HDAC8: variants seen among roughly 807,000 people sequenced by gnomAD.
HDAC8 encodes histone deacetylase-like 1.
Under a neutral mutation model 32.2 loss-of-function variants are expected in HDAC8, and 1 was observed. That is an observed-to-expected ratio of 0.03 (90% CI 0.01 to 0.15). HDAC8 has a LOEUF of 0.15. HDAC8 is among the 10% of genes least tolerant of loss of function. The probability of loss-of-function intolerance (pLI) is 1.00; values close to 1 mark genes in which losing one functional copy is unlikely to be tolerated. For synonymous variants in HDAC8, 108 were observed against 113.9 expected, an observed-to-expected ratio of 0.95 and a Z score of 0.33; for missense variants, 117 against 300.0, an observed-to-expected ratio of 0.39 and a Z score of 4.51.
At position 72,482,697 on chromosome X, in the gene HDAC8, C is replaced by T. The variant is rs147248146; in HGVS notation, c.737+6236G>A. On this transcript the variant is annotated intron_variant, in intron 7 of 10. Transcript: ENST00000373573. ...ATTTGTTTGCAACCATTAAGTTTCT[C>T]ACTTCCATGTGACAACTTTGGGGAC... is the stretch of plus-strand genomic sequence containing the variant. 1.8e-4 allele frequency among the ~76,000 whole-genome samples: 20 copies of T among 111,571 alleles called. No individual in the cohort carries two copies. The East Asian group carries it at 5.6e-3, about 31-fold the overall frequency.
chrX:72,496,251 C>A (rs1247348957), intron 4 of HDAC8, among the ~76,000 whole-genome samples: 1 of 110,923 alleles, frequency 9.0e-6, no homozygotes, highest in African/African-American at 3.3e-5. Flanking sequence ...CTTCACAATG[C>A]ATAAACTTCT....
At chrX:72,508,272 T>C (rs1195489885) in intron 4 of HDAC8, among the ~76,000 whole-genome samples, 1 of 112,128 alleles carries the variant, frequency 8.9e-6, no homozygotes, top group Non-Finnish European at 1.9e-5. Flanking sequence ...ATAAAAATAA[T>C]AGCTGACATC....
intron 7 of HDAC8, chrX:72,467,988 CAA>C: frequency 8.4e-7 from 1 of 1,190,983 alleles, no homozygotes; most frequent in Non-Finnish European, 1.1e-6. Flanking sequence ...AATGAGTCCT[CAA>C]GGAGTTCTGA....
chrX:72,539,405 T>A (rs868945782), intron 4 of HDAC8, among the ~76,000 whole-genome samples: 3 of 107,646 alleles, frequency 2.8e-5, no homozygotes, highest in Admixed American at 1.0e-4. Flanking sequence ...CTAATTTTTT[T>A]TTTTTTTTGT....
At chrX:72,388,203 GGT>G (rs782571583) in intron 9 of HDAC8, among the ~76,000 whole-genome samples, 2 of 109,195 alleles carry the variant, frequency 1.8e-5, no homozygotes, top group Admixed American at 9.8e-5. Flanking sequence ...GTTCTGGGAG[GGT>G]GTGTGTGTGT....
At chrX:72,375,874 G>C (rs782082760) in intron 9 of HDAC8, among the ~76,000 whole-genome samples, 3 of 112,004 alleles carry the variant, frequency 2.7e-5, no homozygotes, top group Non-Finnish European at 5.6e-5. Flanking sequence ...GAATTGACTA[G>C]TGAAACCATA....
At chrX:72,425,582 A>G (rs1420762986) in intron 9 of HDAC8, among the ~76,000 whole-genome samples, 1 of 111,938 alleles carries the variant, frequency 8.9e-6, no homozygotes, top group Non-Finnish European at 1.9e-5. Context: ...CTTTATCTTT[A>G]CTGATTTTCC....
intron 9 of HDAC8, among the ~76,000 whole-genome samples, chrX:72,424,079 T>A (rs2147933038): frequency 8.9e-6 from 1 of 112,088 alleles, no homozygotes; most frequent in South Asian, 3.7e-4. Context: ...CTTGGCTGGG[T>A]ATAGAACTCA....
intron 9 of HDAC8, among the ~76,000 whole-genome samples, chrX:72,358,570 A>G (rs1199228168): frequency 8.9e-6 from 1 of 111,855 alleles, no homozygotes; most frequent in African/African-American, 3.3e-5. Flanking sequence ...AGGTTTTATC[A>G]TGCTATTCGG....
intron 4 of HDAC8, among the ~76,000 whole-genome samples, chrX:72,560,565 TAAAAAAAA>T (rs147846647): frequency 2.8e-5 from 1 of 35,215 alleles, no homozygotes; most frequent in Non-Finnish European, 5.0e-5. Context: ...CAATAAATAC[TAAAAAAAA>T]AAAAAAAAAA....
chrX:72,461,281 T>G (rs1309821408), intron 9 of HDAC8, among the ~76,000 whole-genome samples: 2 of 111,745 alleles, frequency 1.8e-5, no homozygotes, highest in African/African-American at 6.5e-5. Flanking sequence ...GCAGGGGAAC[T>G]GGGGTGATAG....
chrX:72,387,156 G>A (rs2045459805), intron 9 of HDAC8, among the ~76,000 whole-genome samples: 2 of 112,563 alleles, frequency 1.8e-5, no homozygotes, highest in African/African-American at 3.2e-5. Context: ...TTAAGCCTGC[G>A]TGTGAACTGG....
At chrX:72,353,460 A>G (rs1569235530) in intron 9 of HDAC8, among the ~76,000 whole-genome samples, 1 of 111,825 alleles carries the variant, frequency 8.9e-6, no homozygotes, top group Non-Finnish European at 1.9e-5. Context: ...GAGATAGAAA[A>G]GGCTTTGAGT....
chrX:72,473,035 C>G (rs782548030), intron 7 of HDAC8, among the ~76,000 whole-genome samples: 14 of 111,905 alleles, frequency 1.3e-4, no homozygotes, highest in Non-Finnish European at 2.3e-4. Flanking sequence ...ACACACAAAA[C>G]CATCAAATTA....
intron 10 of HDAC8, among the ~76,000 whole-genome samples, chrX:72,342,798 T>C (rs2043921411): frequency 8.9e-6 from 1 of 112,019 alleles, no homozygotes; most frequent in Admixed American, 9.5e-5. Flanking sequence ...AGCGTCTCAG[T>C]TGGAATCCTA....
intron 9 of HDAC8, among the ~76,000 whole-genome samples, chrX:72,380,744 T>C (rs1381439674): frequency 3.6e-5 from 4 of 110,842 alleles, no homozygotes; most frequent in African/African-American, 1.3e-4. Flanking sequence ...TGAGCCAATA[T>C]ATAATTAAAA....
chrX:72,474,006 T>C, intron 7 of HDAC8: 2 of 627,095 alleles, frequency 3.2e-6, no homozygotes, highest in Non-Finnish European at 3.8e-6. Context: ...GCTCAGTCTC[T>C]CCCAACTTTG....
intron 4 of HDAC8, chrX:72,567,483 ATGT>A (rs1269638587): frequency 6.8e-5 from 24 of 350,930 alleles, no homozygotes; most frequent in African/African-American, 1.0e-4. Flanking sequence ...ACCATAACTA[ATGT>A]TGTTCTCTAT....
intron 9 of HDAC8, among the ~76,000 whole-genome samples, chrX:72,361,420 C>T (rs73498314): frequency 0.088 from 9,812 of 111,081 alleles, 524 homozygotes; most frequent in African/African-American, 0.19. Context: ...GGCAAGATCT[C>T]ACTCTGTCAC....
Sources: allele counts gnomAD v4.1 joint callset (sites outside exome capture counted in the v4.1 genomes callset), GRCh38; gene constraint gnomAD v4.1.1; transcripts MANE v1.5; gene names NCBI Gene and HGNC (gene_info 2026-07-23, HGNC 2026-07-21).